The following CDADC1 variants were observed in gnomAD, a reference collection of about 807,000 sequenced individuals.
CDADC1 encodes the protein cytidine and dCMP deaminase domain containing 1.
CDADC1 carries 39 observed loss-of-function variants against 54.9 expected under a neutral mutation model. The ratio of observed to expected loss-of-function variants is 0.71; its 90% CI spans 0.55 to 0.93. The LOEUF (loss-of-function observed/expected upper bound fraction) is 0.93. Ranked by LOEUF, CDADC1 falls within the 40% of genes least tolerant of loss-of-function variation. The probability of loss-of-function intolerance (pLI) is 0.00; values close to 1 mark genes in which losing one functional copy is unlikely to be tolerated. For synonymous variants in CDADC1, 186 were observed against 204.0 expected, an observed-to-expected ratio of 0.91 and a Z score of 0.75; for missense variants, 518 against 618.8, an observed-to-expected ratio of 0.84 and a Z score of 1.73.
intron 2 of CDADC1, among the ~76,000 whole-genome samples, chr13:49,252,029 G>T (rs1471005656): frequency 1.3e-5 from 2 of 152,198 alleles, no homozygotes; most frequent in African/African-American, 2.4e-5. Context: ...TAAATGGAAA[G>T]TTATAACACA....
chr13:49,252,691 AC>A (rs1952462391), intron 2 of CDADC1, among the ~76,000 whole-genome samples: 1 of 152,186 alleles, frequency 6.6e-6, no homozygotes, highest in Non-Finnish European at 1.5e-5. Context: ...ATTTTTAAAA[AC>A]TATTTTTTTC....
intron 2 of CDADC1, among the ~76,000 whole-genome samples, chr13:49,250,107 A>T (rs1308201004): frequency 1.3e-5 from 2 of 152,206 alleles, no homozygotes; most frequent in Non-Finnish European, 2.9e-5. Flanking sequence ...TTCCAATCTT[A>T]AGCATGAGGT....
rs773549368 is a variant in CDADC1, at chr13:49,267,693, T to A, written c.634T>A (p.Phe212Ile). The A allele has an allele frequency of 4.3e-6, 7 of 1,612,710 alleles. No individual in the cohort carries two copies. The East Asian group carries it at 1.6e-4, about 36-fold the overall frequency. The change falls in exon 5 of 10, where the codon TTT becomes ATT. Residue 212 changes from phenylalanine to isoleucine, a missense_variant. Phe to Ile is a conservative substitution (Grantham distance 21). Transcript: ENST00000251108. ...AGAGGAGACCTCTTACAAATGTGAC[T>A]TTATTCAAAAAATTACAAAAACATT... ...FVEETSYKCD[F>I]IQKITKTLPD...
At chr13:49,252,776 A>G (rs943728808) in intron 2 of CDADC1, among the ~76,000 whole-genome samples, 3 of 152,176 alleles carry the variant, frequency 2.0e-5, no homozygotes, top group African/African-American at 4.8e-5. Context: ...CAGGAACACA[A>G]TTTTGTATTT....
intron 8 of CDADC1, among the ~76,000 whole-genome samples, chr13:49,281,680 A>AT (rs1170573386): frequency 6.6e-6 from 1 of 152,186 alleles, no homozygotes; most frequent in Non-Finnish European, 1.5e-5. Context: ...AAGGTTTGGG[A>AT]TCCCCTGCAA....
chr13:49,255,748 C>A, intron 2 of CDADC1, 91 bp from the exon 3 acceptor site: 2 of 1,521,808 alleles, frequency 1.3e-6, no homozygotes, highest in South Asian at 1.2e-5. Context: ...TGGTCAAAGC[C>A]AAGGAAGCCA....
chr13:49,248,896 C>A lies in CDADC1; in HGVS notation c.108C>A (p.Val36=). 6.2e-7 allele frequency: 1 copy of A among 1,610,806 alleles called. No homozygotes were observed. The highest frequency in any genetic ancestry group is 8.5e-7 in the Non-Finnish European group (1 of 1,176,988). ...GTCAGATACCAAGGCTTTCTAAAGTCAACCTTTTCACTCTGCTCAGCCTCT... is the reference window on the plus strand; with the variant it reads ...GTCAGATACCAAGGCTTTCTAAAGTAAACCTTTTCACTCTGCTCAGCCTCT... ...MTGQIPRLSK[V]NLFTLLSLWM... Residue 36 remains valine, a synonymous_variant, in exon 2 of 10, where the codon GTC becomes GTA. Coordinates refer to ENST00000251108, the MANE Select transcript of CDADC1 (RefSeq NM_030911.4).
At chr13:49,262,761 C>A (rs777723759) in intron 4 of CDADC1, among the ~76,000 whole-genome samples, 2 of 152,086 alleles carry the variant, frequency 1.3e-5, no homozygotes, top group African/African-American at 2.4e-5. Flanking sequence ...GAACTTCTGA[C>A]TCATGATCTG....
At chr13:49,266,336 T>C (rs916097670) in intron 4 of CDADC1, among the ~76,000 whole-genome samples, 1 of 152,226 alleles carries the variant, frequency 6.6e-6, no homozygotes, top group Non-Finnish European at 1.5e-5. Flanking sequence ...ACATTTGTTA[T>C]CCTGTTATGT....
rs770895956 is a variant in CDADC1, at chr13:49,292,441, A to G, written c.*684A>G. Reference sequence around the variant, plus strand: ...ATCACTGACTCTTGAAATCACTAACAGTGAACCTCAAATTTGGTTATGATG... The same window carrying G: ...ATCACTGACTCTTGAAATCACTAACGGTGAACCTCAAATTTGGTTATGATG... On this transcript the variant is annotated 3_prime_UTR_variant, in exon 10 of 10. Transcript: ENST00000251108. 9.9e-6 allele frequency: 10 copies of G among 1,010,804 alleles called. No individual in the cohort carries two copies. Among genetic ancestry groups the G allele is most frequent in the Non-Finnish European group, 1.2e-5 (10 of 845,154 alleles). The allele number at this position is 1,010,804 out of a possible 1,614,324, so 62.6% of individuals were successfully genotyped here.
chr13:49,268,792 A>G (rs1473550783), intron 5 of CDADC1, among the ~76,000 whole-genome samples: 5 of 152,234 alleles, frequency 3.3e-5, no homozygotes, highest in Non-Finnish European at 5.9e-5. Context: ...AACTAATAGA[A>G]TCAAGGTAAA....
At chr13:49,256,456 T>C (rs1181856459) in intron 3 of CDADC1, among the ~76,000 whole-genome samples, 2 of 152,216 alleles carry the variant, frequency 1.3e-5, no homozygotes, top group Admixed American at 6.5e-5. Flanking sequence ...CTCATGGGGC[T>C]TGAGGGCAGG....
chr13:49,259,860 A>C (rs4942810), intron 4 of CDADC1, among the ~76,000 whole-genome samples: 145,729 of 151,250 alleles, frequency 0.96, 70,355 homozygotes, highest in South Asian at 1. Flanking sequence ...AAAAAAAAAA[A>C]CGAAGAAAGG....
At chr13:49,273,291 T>C (rs1953017269) in intron 5 of CDADC1, among the ~76,000 whole-genome samples, 1 of 152,214 alleles carries the variant, frequency 6.6e-6, no homozygotes, top group Non-Finnish European at 1.5e-5. Flanking sequence ...CGGTTTCAGT[T>C]AATCCTCCCC....
At chr13:49,260,513 A>T (rs1016386787) in intron 4 of CDADC1, among the ~76,000 whole-genome samples, 4 of 152,200 alleles carry the variant, frequency 2.6e-5, no homozygotes, top group African/African-American at 7.2e-5. Context: ...GTTCTCATCC[A>T]TTGTGGGAAC....
chr13:49,263,093 T>G (rs1303259097), intron 4 of CDADC1, among the ~76,000 whole-genome samples: 1 of 152,218 alleles, frequency 6.6e-6, no homozygotes, highest in African/African-American at 2.4e-5. Flanking sequence ...TGTGATTGTT[T>G]GAGTTGCAGA....
intron 8 of CDADC1, among the ~76,000 whole-genome samples, chr13:49,282,286 A>T (rs1230603593): frequency 1.8e-5 from 2 of 111,874 alleles, no homozygotes; most frequent in East Asian, 5.9e-4. Flanking sequence ...ACAGGGTCTC[A>T]CTATCTCACC....
At chr13:49,290,202 C>T (rs2138277477) in intron 9 of CDADC1, among the ~76,000 whole-genome samples, 1 of 151,920 alleles carries the variant, frequency 6.6e-6, no homozygotes, top group South Asian at 2.1e-4. Context: ...AGAGGGAGCG[C>T]ACGGGAATTG....
chr13:49,291,430 C>G (rs906154774), intron 9 of CDADC1, among the ~76,000 whole-genome samples: 8 of 152,062 alleles, frequency 5.3e-5, no homozygotes, highest in African/African-American at 1.9e-4. Flanking sequence ...CCTCAGCCTC[C>G]AAAAGTGTTA....
Sources: gnomAD v4.1 joint callset for allele counts (sites outside exome capture counted in the v4.1 genomes callset) on GRCh38, gnomAD v4.1.1 for gene constraint, MANE v1.5 for transcripts, NCBI Gene and HGNC (gene_info 2026-07-23, HGNC 2026-07-21) for gene names.